The following NIPA2 variants were observed in gnomAD, a reference collection of about 807,000 sequenced individuals.
NIPA2 encodes NIPA magnesium transporter 2.
NIPA2 carries 11 observed loss-of-function variants against 29.7 expected under a neutral mutation model. The observed-to-expected ratio is 0.37, with a 90% CI of 0.23 to 0.61. NIPA2 has a LOEUF of 0.61. Among genes scored for constraint, NIPA2 ranks in the 20% least tolerant of loss-of-function variants. The pLI, the probability that NIPA2 is intolerant of heterozygous loss-of-function variation, is 0.66. For synonymous variants in NIPA2, 183 were observed against 161.9 expected, an observed-to-expected ratio of 1.13 and a Z score of -0.99; for missense variants, 426 against 437.9, an observed-to-expected ratio of 0.97 and a Z score of 0.24.
At position 22,851,802 on chromosome 15, in the gene NIPA2, T is replaced by A; in HGVS notation, c.71T>A (p.Ile24Asn). The change falls in exon 4 of 8, where the codon ATT becomes AAT. Residue 24 changes from isoleucine (I) to asparagine (N), a missense_variant. Coordinates refer to ENST00000337451, the MANE Select transcript of NIPA2 (RefSeq NM_030922.7). ...LGLAMSSSIFIGGSFILKKKG... is the reference protein window; with the variant it reads ...LGLAMSSSIFNGGSFILKKKG... The stretch of plus-strand genomic sequence containing the variant: ...TTGGCTATGAGCTCCAGCATTTTCA[T>A]TGGAGGAAGTTTCATTTTGAAAAAA... 1.2e-6 allele frequency: 2 copies of A among 1,613,670 alleles called. No individual in the cohort carries two copies. Among genetic ancestry groups the A allele is most frequent in the Non-Finnish European group, 1.7e-6 (2 of 1,179,676 alleles).
rs1398420922 is a variant in NIPA2, at chr15:22,867,852, G to GTT, written c.*1007_*1008dup. On this transcript the variant is annotated 3_prime_UTR_variant, in exon 8 of 8. Transcript: ENST00000337451. ...ATATTTTGGTTTCTAGAAAATGTTT[G>GTT]TTTATGAAGAAGTCGATGGAAAACT... 2 of 152,110 alleles carry GTT rather than the reference G, an allele frequency of 1.3e-5. No individual in the cohort carries two copies. The highest frequency in any genetic ancestry group is 1.9e-4 in the East Asian group (1 of 5,196). 9.4% of individuals were successfully genotyped at this position (152,110 alleles called of 1,614,324 possible). A position where few individuals can be genotyped will look rare whatever the true frequency, so the allele number is the denominator to read the frequency against.
chr15:22,842,489 A>G (rs1281547566), intron 2 of NIPA2, among the ~76,000 whole-genome samples: 1 of 151,824 alleles, frequency 6.6e-6, no homozygotes, highest in Admixed American at 6.6e-5. Flanking sequence ...GGAGATCGAG[A>G]CCATCCTGGC....
Position 22,866,992 on chromosome 15 carries a change from A to G in NIPA2, c.*145A>G. ...TTTCACTAATTTGGACCAAGAAATT[A>G]CTTTTCTTGTATTTAAACAAACAAT... On this transcript the variant is annotated 3_prime_UTR_variant, in exon 8 of 8. Transcript: ENST00000337451. 1.3e-6 allele frequency: 1 copy of G among 752,456 alleles called. No individual in the cohort carries two copies. The highest frequency in any genetic ancestry group is 2.1e-6 in the Non-Finnish European group (1 of 483,800). 46.6% of individuals were successfully genotyped at this position (752,456 alleles called of 1,614,324 possible). A position where few individuals can be genotyped will look rare whatever the true frequency, so the allele number is the denominator to read the frequency against.
At chr15:22,852,681 A>G (rs1410064373) in intron 4 of NIPA2, among the ~76,000 whole-genome samples, 2 of 152,152 alleles carry the variant, frequency 1.3e-5, no homozygotes. Context: ...CCTGCGGGGT[A>G]ATCAGGATGA....
intron 3 of NIPA2, among the ~76,000 whole-genome samples, chr15:22,849,193 AT>A (rs879870783): frequency 2.0e-5 from 3 of 152,200 alleles, no homozygotes; most frequent in Non-Finnish European, 4.4e-5. Flanking sequence ...ATCTAGAATT[AT>A]TCCATAGATA....
rs1373030563 is a variant in NIPA2 at position 22,868,250 on chromosome 15, G to GAT, written c.*1404_*1405dup. The stretch of plus-strand genomic sequence containing the variant: ...CCTCCCATGCCATTTTAATACTACA[G>GAT]ATGTACTACGTATCTGTTTATATAC... On this transcript the variant is annotated 3_prime_UTR_variant, in exon 8 of 8. Transcript: ENST00000337451. 1.3e-5 allele frequency: 2 copies of GAT among 152,118 alleles called. No homozygotes were observed. Among genetic ancestry groups the GAT allele is most frequent in the South Asian group, 2.1e-4 (1 of 4,830 alleles). 9.4% of individuals were successfully genotyped at this position (152,118 alleles called of 1,614,324 possible). A position where few individuals can be genotyped will look rare whatever the true frequency, so the allele number is the denominator to read the frequency against.
chr15:22,864,099 A>G, intron 7 of NIPA2, among the ~76,000 whole-genome samples: 1 of 152,050 alleles, frequency 6.6e-6, no homozygotes, highest in South Asian at 2.1e-4. Context: ...ACATGGGAGA[A>G]AGAGGCTTTG....
At chr15:22,865,062 A>G (rs935957048) in intron 7 of NIPA2, among the ~76,000 whole-genome samples, 1 of 152,002 alleles carries the variant, frequency 6.6e-6, no homozygotes, top group Non-Finnish European at 1.5e-5. Flanking sequence ...AGGTTTCACC[A>G]TGTTGGCTAG....
intron 7 of NIPA2, among the ~76,000 whole-genome samples, chr15:22,865,215 G>A (rs748455051): frequency 9.9e-5 from 15 of 151,610 alleles, no homozygotes; most frequent in Non-Finnish European, 1.6e-4. Flanking sequence ...TGCTGGGTGC[G>A]GTGGCTCACG....
Position 22,851,808 on chromosome 15 carries a change from G to T in NIPA2, c.77G>T (p.Gly26Val), listed in dbSNP as rs777387316. The T allele has an allele frequency of 6.2e-7, 1 of 1,613,500 alleles. No homozygotes were observed. Among genetic ancestry groups the T allele is most frequent in the South Asian group, 1.1e-5 (1 of 91,048 alleles). Residue 26 changes from glycine (G) to valine (V), a missense_variant, in exon 4 of 8, where the codon GGA becomes GTA. Transcript: ENST00000337451. ...LAMSSSIFIG[G>V]SFILKKKGLL... ...ATGAGCTCCAGCATTTTCATTGGAG[G>T]AAGTTTCATTTTGAAAAAAAAGGGC...
At chr15:22,864,403 C>G (rs1298537942) in intron 7 of NIPA2, among the ~76,000 whole-genome samples, 1 of 152,198 alleles carries the variant, frequency 6.6e-6, no homozygotes, top group Non-Finnish European at 1.5e-5. Context: ...ATCCGCCCAC[C>G]TCGGCCGCCC....
chr15:22,861,987 C>T (rs1296726383), intron 7 of NIPA2, among the ~76,000 whole-genome samples: 2 of 141,838 alleles, frequency 1.4e-5, no homozygotes, highest in East Asian at 2.3e-4. Flanking sequence ...ATCCACCCAC[C>T]TTGCCTCCCA....
intron 5 of NIPA2, among the ~76,000 whole-genome samples, chr15:22,857,279 A>G (rs1198526630): frequency 6.6e-6 from 1 of 151,230 alleles, no homozygotes; most frequent in Non-Finnish European, 1.5e-5. Context: ...AAAAATACAA[A>G]AATCAGCCGG....
In NIPA2 at chr15:22,866,947, A is replaced by C. The variant is rs1394147545; in HGVS notation, c.*100A>C. On this transcript the variant is annotated 3_prime_UTR_variant, in exon 8 of 8. Coordinates refer to ENST00000337451, the MANE Select transcript of NIPA2 (RefSeq NM_030922.7). ...ACATTGTCCTCAAATAATGTTCTTT[A>C]AAGGCAATCTTTTTAAAGATTTCAC... 1 of 1,161,984 alleles carries C rather than the reference A, an allele frequency of 8.6e-7. No individual in the cohort carries two copies. Among genetic ancestry groups the C allele is most frequent in the African/African-American group, 1.5e-5 (1 of 65,136 alleles). The allele number at this position is 1,161,984 out of a possible 1,614,324, so 72.0% of individuals were successfully genotyped here. A position where few individuals can be genotyped will look rare whatever the true frequency, so the allele number is the denominator to read the frequency against.
intron 3 of NIPA2, among the ~76,000 whole-genome samples, chr15:22,848,844 A>AAG (rs1235266290): frequency 6.6e-6 from 1 of 150,726 alleles, no homozygotes; most frequent in Non-Finnish European, 1.5e-5. Context: ...AAAAAAAAAA[A>AAG]AAAAAAAGAA....
At chr15:22,864,151 GCTAT>G (rs1040961005) in intron 7 of NIPA2, among the ~76,000 whole-genome samples, 2 of 151,766 alleles carry the variant, frequency 1.3e-5, no homozygotes, top group East Asian at 1.9e-4. Context: ...GTGGTCTTTG[GCTAT>G]CTTTCTTTTT....
intron 7 of NIPA2, among the ~76,000 whole-genome samples, chr15:22,862,064 T>TTTTTTTTTA (rs2058665264): frequency 2.7e-5 from 4 of 147,858 alleles, no homozygotes; most frequent in African/African-American, 7.5e-5. Flanking sequence ...TTTTTTTTTT[T>TTTTTTTTTA]GAGACAGAGT....
chr15:22,860,085 C>G (rs974272847), intron 6 of NIPA2, among the ~76,000 whole-genome samples: 3 of 149,778 alleles, frequency 2.0e-5, no homozygotes, highest in African/African-American at 7.4e-5. Context: ...GGCTGGAGTG[C>G]AGTGGCGCGA....
At chr15:22,860,520 TCA>T in intron 6 of NIPA2, 107 bp from the exon 7 acceptor site, 1 of 746,544 alleles carries the variant, frequency 1.3e-6, no homozygotes, top group Non-Finnish European at 2.2e-6. Flanking sequence ...CTTCATAAGT[TCA>T]CAGTGTTTTA....
Sources: gnomAD v4.1 joint callset for allele counts (sites outside exome capture counted in the v4.1 genomes callset) on GRCh38, gnomAD v4.1.1 for gene constraint, MANE v1.5 for transcripts, NCBI Gene and HGNC (gene_info 2026-07-23, HGNC 2026-07-21) for gene names.